ARHGEF3: variants seen among roughly 807,000 people sequenced by gnomAD.
ARHGEF3 encodes the protein 59.8 kDA protein.
ARHGEF3 carries 28 observed loss-of-function variants against 63.2 expected under a neutral mutation model. That is an observed-to-expected ratio of 0.44 (90% CI 0.33 to 0.61). The LOEUF is 0.61. Ranked by LOEUF, ARHGEF3 falls within the 20% of genes least tolerant of loss-of-function variation. The pLI is 0.03. For synonymous variants in ARHGEF3, 266 were observed against 254.2 expected (o/e 1.05, Z -0.44); for missense variants, 533 against 659.3 (o/e 0.81, Z 2.10).
intron 3 of ARHGEF3, chr3:56,916,285 C>G (rs1224101255): frequency 2.0e-6 from 3 of 1,534,096 alleles, no homozygotes; most frequent in Non-Finnish European, 1.7e-6. Context: ...CGGCCCATCC[C>G]AGGCTCAGCA....
At chr3:56,951,215 A>G (rs1364621385) in intron 3 of ARHGEF3, among the ~76,000 whole-genome samples, 1 of 151,852 alleles carries the variant, frequency 6.6e-6, no homozygotes, top group Non-Finnish European at 1.5e-5. Context: ...CCAACATGGC[A>G]CATGTATACA....
chr3:56,760,041 C>G (rs2035332239), intron 2 of ARHGEF3, among the ~76,000 whole-genome samples: 1 of 152,290 alleles, frequency 6.6e-6, no homozygotes. Context: ...AACTGATGGA[C>G]ATTAAAATTG....
chr3:57,045,800 GC>G (rs1230606573), intron 1 of ARHGEF3, among the ~76,000 whole-genome samples: 18 of 152,290 alleles, frequency 1.2e-4, no homozygotes, highest in Middle Eastern at 6.8e-3. Context: ...ATGGTCTTGT[GC>G]CAGTTTTTCT....
chr3:57,004,925 A>G (rs1693982866), intron 2 of ARHGEF3, among the ~76,000 whole-genome samples: 1 of 152,222 alleles, frequency 6.6e-6, no homozygotes, highest in South Asian at 2.1e-4. Flanking sequence ...GTGCCACTGC[A>G]GTCCAGCCTG....
At chr3:57,057,895 G>C (rs1053450454) in intron 1 of ARHGEF3, among the ~76,000 whole-genome samples, 1 of 152,196 alleles carries the variant, frequency 6.6e-6, no homozygotes, top group Non-Finnish European at 1.5e-5. Flanking sequence ...GTCCATACTA[G>C]ACAGACAAGG....
At chr3:57,048,803 A>T (rs114802118) in intron 1 of ARHGEF3, among the ~76,000 whole-genome samples, 135 of 152,278 alleles carry the variant, frequency 8.9e-4, no homozygotes, top group African/African-American at 3.1e-3. Flanking sequence ...ACTCCTGCTA[A>T]TTGCAGGAGG....
At chr3:56,984,854 C>CAGT (rs1701471584) in intron 2 of ARHGEF3, among the ~76,000 whole-genome samples, 1 of 152,098 alleles carries the variant, frequency 6.6e-6, no homozygotes, top group African/African-American at 2.4e-5. Flanking sequence ...CGGCCTTGGA[C>CAGT]AGTAGAAAAG....
chr3:57,073,806 G>A (rs1269154505), intron 1 of ARHGEF3: 1 of 1,614,092 alleles, frequency 6.2e-7, no homozygotes, highest in Non-Finnish European at 8.5e-7. Context: ...CAGAGGCCTT[G>A]GGTCATCCAC....
chr3:56,860,972 A>G (rs75588586), intron 4 of ARHGEF3, among the ~76,000 whole-genome samples: 1,595 of 152,340 alleles, frequency 0.01, 28 homozygotes, highest in African/African-American at 0.036. Context: ...TAGGCCCACA[A>G]TGAAAAGGCA....
intron 1 of ARHGEF3, among the ~76,000 whole-genome samples, chr3:57,068,826 C>A (rs530967741): frequency 6.6e-6 from 1 of 152,228 alleles, no homozygotes; most frequent in Non-Finnish European, 1.5e-5. Context: ...CACACACGCA[C>A]ACACCCCCCT....
intron 4 of ARHGEF3, among the ~76,000 whole-genome samples, chr3:56,824,735 A>C (rs2038648640): frequency 6.6e-6 from 1 of 152,214 alleles, no homozygotes; most frequent in South Asian, 2.1e-4. Flanking sequence ...ATAAAATGAG[A>C]GGAATGAACT....
intron 2 of ARHGEF3, among the ~76,000 whole-genome samples, chr3:56,976,387 A>G (rs766183671): frequency 4.6e-5 from 7 of 152,216 alleles, no homozygotes; most frequent in Non-Finnish European, 7.3e-5. Flanking sequence ...CTCAAAAATT[A>G]TATCTCTAGA....
rs141360330 is a variant in ARHGEF3, at chr3:56,880,408, A to G, written c.192+1884T>C. Among the ~76,000 whole-genome samples the G allele has an allele frequency of 2.4e-3, 364 of 152,352 alleles. 1 individual carries two copies. Among genetic ancestry groups the G allele is most frequent in the African/African-American group, 8.4e-3 (350 of 41,588 alleles). On this transcript the variant is annotated intron_variant, in intron 4 of 12. Coordinates refer to the ARHGEF3 transcript ENST00000338458. ...GGGAAGTCAAGGCCATTGATGACAA[A>G]CAAGACAAAAATCAAATCACAATTC...
chr3:56,926,204 GA>G (rs1466154190), intron 3 of ARHGEF3, among the ~76,000 whole-genome samples: 2 of 152,186 alleles, frequency 1.3e-5, no homozygotes, highest in African/African-American at 4.8e-5. Context: ...AGGCTGAGGA[GA>G]GGGGGGTCAG....
intron 3 of ARHGEF3, among the ~76,000 whole-genome samples, chr3:56,906,334 G>A (rs1006734782): frequency 3.3e-5 from 5 of 152,274 alleles, no homozygotes; most frequent in Non-Finnish European, 5.9e-5. Context: ...CATTTCTGTC[G>A]TCACAAGAAG....
intron 4 of ARHGEF3, among the ~76,000 whole-genome samples, chr3:56,867,215 A>G (rs1429243850): frequency 2.6e-5 from 4 of 152,244 alleles, no homozygotes; most frequent in African/African-American, 9.6e-5. Context: ...AGCATGTAAC[A>G]TATGAACAAC....
At chr3:57,071,682 C>CT (rs976392859) in intron 1 of ARHGEF3, among the ~76,000 whole-genome samples, 7 of 151,152 alleles carry the variant, frequency 4.6e-5, no homozygotes, top group African/African-American at 1.7e-4. Flanking sequence ...AAAAATATGC[C>CT]TTAGGCATAA....
At chr3:56,912,856 G>C (rs1026922579) in intron 3 of ARHGEF3, among the ~76,000 whole-genome samples, 6 of 152,176 alleles carry the variant, frequency 3.9e-5, no homozygotes, top group Non-Finnish European at 7.4e-5. Flanking sequence ...TATACATCTG[G>C]GGGGCATGCA....
intron 3 of ARHGEF3, among the ~76,000 whole-genome samples, chr3:56,909,122 G>T (rs1330347946): frequency 6.6e-6 from 1 of 152,246 alleles, no homozygotes; most frequent in East Asian, 1.9e-4. Flanking sequence ...GAAAGAAGGA[G>T]AAGGGAGAAT....
Sources: allele counts gnomAD v4.1 joint callset (sites outside exome capture counted in the v4.1 genomes callset), GRCh38; gene constraint gnomAD v4.1.1; transcripts MANE v1.5; gene names NCBI Gene and HGNC (gene_info 2026-07-23, HGNC 2026-07-21).